SBF2: variants seen among roughly 807,000 people sequenced by gnomAD.
SBF2 encodes SET binding factor 2.
A neutral mutation model predicts 225.2 loss-of-function variants in SBF2; 112 were observed. The ratio of observed to expected loss-of-function variants is 0.50; its 90% CI spans 0.43 to 0.58. SBF2 has a LOEUF of 0.58. SBF2 is among the 20% of genes least tolerant of loss of function. SBF2 has a pLI of 0.00. For missense variants in SBF2, 1,996 were observed against 2,206.2 expected (o/e 0.90, Z 1.91); for synonymous variants, 763 against 773.3 (o/e 0.99, Z 0.22).
At chr11:10,236,546 G>A (rs540320587) in intron 1 of SBF2, among the ~76,000 whole-genome samples, 4 of 152,130 alleles carry the variant, frequency 2.6e-5, no homozygotes, top group African/African-American at 4.8e-5. Flanking sequence ...TGCAACCTCC[G>A]CCTCCTGGGT....
intron 14 of SBF2, among the ~76,000 whole-genome samples, chr11:9,967,371 CAAAA>C (rs35271700): frequency 9.6e-6 from 1 of 103,778 alleles, no homozygotes; most frequent in Non-Finnish European, 2.0e-5. Context: ...GACTCCGTCT[CAAAA>C]AAAAAAAAAA....
intron 28 of SBF2, among the ~76,000 whole-genome samples, chr11:9,817,903 AAATAAAATAAATG>A (rs1854544341): frequency 6.6e-6 from 1 of 152,310 alleles, no homozygotes; most frequent in Admixed American, 6.5e-5. Flanking sequence ...CTCTAAAATA[AAATAAAATAAATG>A]AATAAAATGT....
intron 1 of SBF2, among the ~76,000 whole-genome samples, chr11:10,204,017 A>G (rs1411257602): frequency 6.6e-6 from 1 of 152,024 alleles, no homozygotes; most frequent in Non-Finnish European, 1.5e-5. Flanking sequence ...AACTATAAAC[A>G]CACTGATCAT....
At chr11:10,011,640 T>C (rs373298807) in intron 6 of SBF2, among the ~76,000 whole-genome samples, 3 of 152,352 alleles carry the variant, frequency 2.0e-5, no homozygotes, top group Admixed American at 6.5e-5. Context: ...GAATTCTTGT[T>C]TGGTATTTTT....
At chr11:10,119,739 G>T (rs1953343131) in intron 2 of SBF2, among the ~76,000 whole-genome samples, 1 of 151,984 alleles carries the variant, frequency 6.6e-6, no homozygotes, top group Admixed American at 6.6e-5. Context: ...TATTTATAGG[G>T]TCATAAAAAA....
intron 1 of SBF2, among the ~76,000 whole-genome samples, chr11:10,217,231 G>A (rs1015052363): frequency 1.3e-5 from 2 of 152,166 alleles, no homozygotes; most frequent in African/African-American, 4.8e-5. Flanking sequence ...AATAGATGCT[G>A]TCTAAAGTTG....
chr11:9,796,668 G>A (rs1412985206), intron 32 of SBF2, among the ~76,000 whole-genome samples: 1 of 152,114 alleles, frequency 6.6e-6, no homozygotes, highest in Middle Eastern at 3.2e-3. Flanking sequence ...AATGAGGCTC[G>A]GGCCTAGATT....
rs555239222 is a variant in SBF2 at position 10,212,331 on chromosome 11, G to A, written c.56-18344C>T. Among the ~76,000 whole-genome samples the A allele has an allele frequency of 4.6e-5, 7 of 152,130 alleles. No individual in the cohort carries two copies. In the South Asian group the frequency reaches 1.0e-3, roughly 23 times the overall value. On this transcript the variant is annotated intron_variant, in intron 1 of 39. Coordinates refer to ENST00000256190, the MANE Select transcript of SBF2 (RefSeq NM_030962.4). ...ATGGAACACAACGGTGTCCTGAGTC[G>A]CTGGGAATTATCATTAGCTCAGCTT...
chr11:10,149,038 G>A (rs1289096854), intron 2 of SBF2, among the ~76,000 whole-genome samples: 1 of 152,188 alleles, frequency 6.6e-6, no homozygotes, highest in African/African-American at 2.4e-5. Context: ...CTAAGGCCAA[G>A]TTCCAAGTTT....
At chr11:9,974,229 C>T (rs2134406444) in intron 13 of SBF2, among the ~76,000 whole-genome samples, 1 of 152,236 alleles carries the variant, frequency 6.6e-6, no homozygotes, top group East Asian at 1.9e-4. Flanking sequence ...ATTTGATATG[C>T]TGGTTGCCCT....
Position 10,038,873 on chromosome 11 carries a change from T to C in SBF2, c.279+3971A>G, listed in dbSNP as rs555049191. On this transcript the variant is annotated intron_variant, in intron 3 of 39. Coordinates refer to ENST00000256190, the MANE Select transcript of SBF2 (RefSeq NM_030962.4). ...AGAACTAAATTTAAATTTTAGATAT[T>C]TAAAATTTTATACTTTTAACATATT... Among the ~76,000 whole-genome samples, 11 of 151,976 alleles carry C rather than the reference T, an allele frequency of 7.2e-5. No homozygotes were observed. The East Asian group carries it at 2.1e-3, about 29-fold the overall frequency.
intron 1 of SBF2, among the ~76,000 whole-genome samples, chr11:10,242,624 AGC>A (rs1409450018): frequency 1.3e-5 from 2 of 152,082 alleles, no homozygotes. Context: ...AACACACACA[AGC>A]TGAAACAGAA....
intron 13 of SBF2, among the ~76,000 whole-genome samples, chr11:9,978,444 G>T (rs976781608): frequency 6.6e-6 from 1 of 151,932 alleles, no homozygotes; most frequent in African/African-American, 2.4e-5. Flanking sequence ...TTAACTAATA[G>T]AATTTATTAA....
chr11:9,784,968 CAAAG>C, intron 37 of SBF2, 153 bp downstream of exon 37: 1 of 746,170 alleles, frequency 1.3e-6, no homozygotes, highest in Non-Finnish European at 2.2e-6. Flanking sequence ...TTTGTCTTTT[CAAAG>C]AAACATCTAA....
intron 2 of SBF2, among the ~76,000 whole-genome samples, chr11:10,133,603 G>A (rs1051643392): frequency 1.1e-4 from 16 of 143,152 alleles, no homozygotes; most frequent in Non-Finnish European, 1.3e-4. Context: ...CTCCGAGTGC[G>A]GGGCCCACCA....
chr11:10,035,712 A>T (rs1434457328), intron 3 of SBF2, among the ~76,000 whole-genome samples: 1 of 152,230 alleles, frequency 6.6e-6, no homozygotes, highest in East Asian at 1.9e-4. Context: ...AATCACAATG[A>T]GATACCATCT....
At chr11:10,034,979 T>G (rs1450147014) in intron 3 of SBF2, among the ~76,000 whole-genome samples, 1 of 152,090 alleles carries the variant, frequency 6.6e-6, no homozygotes, top group Non-Finnish European at 1.5e-5. Context: ...AATACACATT[T>G]TAGGATAACA....
chr11:10,076,235 G>C (rs1951099213), intron 2 of SBF2, among the ~76,000 whole-genome samples: 1 of 152,178 alleles, frequency 6.6e-6, no homozygotes, highest in Non-Finnish European at 1.5e-5. Flanking sequence ...TCTTAAGTTG[G>C]AGAACAGGGA....
At chr11:10,025,426 C>G (rs559607751) in intron 6 of SBF2, among the ~76,000 whole-genome samples, 2 of 151,962 alleles carry the variant, frequency 1.3e-5, no homozygotes, top group African/African-American at 4.8e-5. Context: ...CCAATTTTCC[C>G]TCTTCCCCAT....
Sources: gnomAD v4.1 joint callset for allele counts (sites outside exome capture counted in the v4.1 genomes callset) on GRCh38, gnomAD v4.1.1 for gene constraint, MANE v1.5 for transcripts, NCBI Gene and HGNC (gene_info 2026-07-23, HGNC 2026-07-21) for gene names.